TRHDE: variants seen among roughly 807,000 people sequenced by gnomAD.
The protein encoded by TRHDE is thyrotropin releasing hormone degrading enzyme.
In TRHDE, 72 loss-of-function variants were observed where a neutral mutation model predicts 125.7. The observed-to-expected ratio is 0.57, with a 90% CI of 0.47 to 0.70. The LOEUF is 0.70. Ranked by LOEUF, TRHDE falls within the 30% of genes least tolerant of loss-of-function variation. TRHDE has a pLI of 0.00. For synonymous variants in TRHDE, 509 were observed against 509.1 expected (o/e 1.00, Z 0.00); for missense variants, 1,110 against 1,327.1 (o/e 0.84, Z 2.54).
At chr12:72,193,897 T>A (rs1181900272) in intron 2 of TRHDE, among the ~76,000 whole-genome samples, 3 of 152,138 alleles carry the variant, frequency 2.0e-5, no homozygotes, top group Non-Finnish European at 4.4e-5. Flanking sequence ...TTTCAGTAGC[T>A]TACATGTAAC....
At chr12:72,254,933 G>C (rs1034925473) in intron 2 of TRHDE, 3 of 152,004 alleles carry the variant, frequency 2.0e-5, no homozygotes, top group African/African-American at 4.8e-5. Flanking sequence ...TTACAGAAAG[G>C]CTCCTGGAAA....
rs528110145 is a variant in TRHDE, at chr12:72,640,603, T to G, written c.2676-11719T>G. Among the ~76,000 whole-genome samples the G allele has an allele frequency of 2.0e-5, 3 of 151,908 alleles. No homozygotes were observed. In the South Asian group the frequency reaches 6.2e-4, roughly 32 times the overall value. The stretch of plus-strand genomic sequence containing the variant: ...AAAATTTTTGCCTGAAACAGTGACT[T>G]CTTTTTTAGAAATGGAGCTCTGAGT... On this transcript the variant is annotated intron_variant, in intron 15 of 18. Coordinates refer to ENST00000261180, the MANE Select transcript of TRHDE (RefSeq NM_013381.3).
intron 15 of TRHDE, among the ~76,000 whole-genome samples, chr12:72,628,274 T>G (rs1873341674): frequency 6.6e-6 from 1 of 151,846 alleles, no homozygotes; most frequent in African/African-American, 2.4e-5. Context: ...GAAGGACAAT[T>G]TGACCTGTCA....
chr12:72,463,979 A>G (rs557538230), intron 3 of TRHDE, among the ~76,000 whole-genome samples: 1 of 152,286 alleles, frequency 6.6e-6, no homozygotes, highest in Admixed American at 6.5e-5. Context: ...TCTCAGGGCA[A>G]TGGGCCATTT....
intron 2 of TRHDE, among the ~76,000 whole-genome samples, chr12:72,290,786 T>C (rs1237275758): frequency 6.6e-6 from 1 of 152,202 alleles, no homozygotes; most frequent in African/African-American, 2.4e-5. Flanking sequence ...TTGGCCTTCT[T>C]ACGTGGTAGT....
chr12:72,194,389 A>G (rs532820797), intron 2 of TRHDE, among the ~76,000 whole-genome samples: 21 of 152,142 alleles, frequency 1.4e-4, no homozygotes, highest in African/African-American at 4.3e-4. Flanking sequence ...CACTTGCCCA[A>G]TTGCCTGTAG....
intron 12 of TRHDE, among the ~76,000 whole-genome samples, chr12:72,618,532 A>G (rs1872912659): frequency 6.6e-6 from 1 of 152,116 alleles, no homozygotes; most frequent in Non-Finnish European, 1.5e-5. Flanking sequence ...ACATGGAGAA[A>G]CTGAAATTAC....
chr12:72,345,125 G>A (rs1293288329), intron 2 of TRHDE, among the ~76,000 whole-genome samples: 3 of 152,048 alleles, frequency 2.0e-5, no homozygotes, highest in Admixed American at 6.6e-5. Context: ...ACGCTAAATT[G>A]TGTAATAGTT....
intron 5 of TRHDE, among the ~76,000 whole-genome samples, chr12:72,479,206 GAT>G (rs951954662): frequency 3.3e-5 from 5 of 152,078 alleles, no homozygotes; most frequent in African/African-American, 1.2e-4. Context: ...GTGTAGCACA[GAT>G]ACATTTTTGA....
At chr12:72,591,225 T>C (rs1871664399) in intron 12 of TRHDE, among the ~76,000 whole-genome samples, 2 of 152,216 alleles carry the variant, frequency 1.3e-5, no homozygotes, top group Admixed American at 6.5e-5. Context: ...ATGAGGATTA[T>C]GGAAGCTACA....
At chr12:72,363,113 T>C (rs1429942133) in intron 2 of TRHDE, among the ~76,000 whole-genome samples, 1 of 152,016 alleles carries the variant, frequency 6.6e-6, no homozygotes, top group African/African-American at 2.4e-5. Flanking sequence ...AAGTCATTGG[T>C]AGCTTGATGG....
intron 2 of TRHDE, among the ~76,000 whole-genome samples, chr12:72,337,349 C>T (rs1565703718): frequency 6.6e-6 from 1 of 152,156 alleles, no homozygotes; most frequent in Non-Finnish European, 1.5e-5. Flanking sequence ...GCTTCAGGCA[C>T]TCACCCTTCT....
In TRHDE at chr12:72,668,957, C is replaced by T. The variant is rs1018191531; in HGVS notation, c.*5762C>T. 2 of 151,674 alleles carry T rather than the reference C, an allele frequency of 1.3e-5. No homozygotes were observed. Among genetic ancestry groups the T allele is most frequent in the African/African-American group, 2.4e-5 (1 of 41,370 alleles). 9.4% of individuals were successfully genotyped at this position (151,674 alleles called of 1,614,324 possible). A position where few individuals can be genotyped will look rare whatever the true frequency, so the allele number is the denominator to read the frequency against. ...ACTTTATCATTGTCACTGGCTCTTT[C>T]GAAAGAAGTATTAATTTGTGCATTC... On this transcript the variant is annotated 3_prime_UTR_variant, in exon 19 of 19. Transcript: ENST00000261180.
intron 3 of TRHDE, among the ~76,000 whole-genome samples, chr12:72,404,964 A>T (rs138076250): frequency 1.2e-4 from 19 of 152,372 alleles, no homozygotes; most frequent in African/African-American, 4.6e-4. Context: ...CTTCATAATT[A>T]ACAGTAGCTA....
At chr12:72,329,451 G>A (rs114937854) in intron 2 of TRHDE, among the ~76,000 whole-genome samples, 2,322 of 152,198 alleles carry the variant, frequency 0.015, 58 homozygotes, top group African/African-American at 0.053. Context: ...TAAATGCATT[G>A]AACCCATTTT....
chr12:72,631,824 G>A (rs943277081), intron 15 of TRHDE, among the ~76,000 whole-genome samples: 1 of 151,792 alleles, frequency 6.6e-6, no homozygotes, highest in African/African-American at 2.4e-5. Flanking sequence ...CAGCTTTATG[G>A]TTATGCCAAA....
intron 2 of TRHDE, among the ~76,000 whole-genome samples, chr12:72,301,766 A>G (rs1358311515): frequency 6.6e-6 from 1 of 152,182 alleles, no homozygotes; most frequent in South Asian, 2.1e-4. Flanking sequence ...TGGCAGCTAC[A>G]CAGGTAAGAT....
intron 2 of TRHDE, among the ~76,000 whole-genome samples, chr12:72,211,937 G>C (rs1337037540): frequency 1.3e-5 from 2 of 149,796 alleles, no homozygotes; most frequent in Non-Finnish European, 2.9e-5. Context: ...CTGCAAATAT[G>C]TTTACAATAT....
chr12:72,527,371 A>C (rs1256125700), intron 6 of TRHDE, among the ~76,000 whole-genome samples: 1 of 152,182 alleles, frequency 6.6e-6, no homozygotes, highest in East Asian at 1.9e-4. Flanking sequence ...TCTTAGAAAT[A>C]TGGGATACTA....
Sources: allele counts gnomAD v4.1 joint callset (sites outside exome capture counted in the v4.1 genomes callset), GRCh38; gene constraint gnomAD v4.1.1; transcripts MANE v1.5; gene names NCBI Gene and HGNC (gene_info 2026-07-23, HGNC 2026-07-21).